TENM2: variants seen among roughly 807,000 people sequenced by gnomAD.
The protein encoded by TENM2 is teneurin-2.
In TENM2, 52 loss-of-function variants were observed where a neutral mutation model predicts 245.2. The observed-to-expected ratio is 0.21, with a 90% CI of 0.17 to 0.27. TENM2 has a LOEUF of 0.27. TENM2 is among the 10% of genes least tolerant of loss of function. TENM2 has a pLI of 1.00. For missense variants in TENM2, 3,046 were observed against 3,666.8 expected (o/e 0.83, Z 4.37); for synonymous variants, 1,363 against 1,438.9 (o/e 0.95, Z 1.19).
At chr5:167,545,924 G>A (rs895061888) in intron 2 of TENM2, among the ~76,000 whole-genome samples, 5 of 152,140 alleles carry the variant, frequency 3.3e-5, no homozygotes, top group Non-Finnish European at 4.4e-5. Flanking sequence ...TGGCAGCATC[G>A]TATAGAATGC....
At chr5:168,155,145 C>T (rs910024016) in intron 12 of TENM2, among the ~76,000 whole-genome samples, 10 of 152,246 alleles carry the variant, frequency 6.6e-5, no homozygotes, top group Admixed American at 6.5e-4. Context: ...CAGAGCACCT[C>T]GAAGCATCAG....
chr5:167,761,168 TCATCCAC>T (rs1219909259), intron 2 of TENM2, among the ~76,000 whole-genome samples: 1 of 152,230 alleles, frequency 6.6e-6, no homozygotes. Flanking sequence ...ATCCTCTGTC[TCATCCAC>T]CATCTTCACT....
intron 5 of TENM2, among the ~76,000 whole-genome samples, chr5:168,016,987 A>G (rs963876884): frequency 2.2e-4 from 34 of 152,222 alleles, no homozygotes; most frequent in Admixed American, 2.2e-3. Context: ...TGAGCCACCC[A>G]GGATGGGACT....
intron 2 of TENM2, among the ~76,000 whole-genome samples, chr5:167,797,279 G>A (rs147321101): frequency 6.6e-6 from 1 of 152,254 alleles, no homozygotes; most frequent in Non-Finnish European, 1.5e-5. Flanking sequence ...GGTCCTTGGA[G>A]TCCTGACCTC....
chr5:167,682,316 C>T (rs1413900353), intron 2 of TENM2, among the ~76,000 whole-genome samples: 1 of 151,924 alleles, frequency 6.6e-6, no homozygotes, highest in Non-Finnish European at 1.5e-5. Flanking sequence ...GCACACATCA[C>T]CAAGCCCAGC....
chr5:168,174,736 A>G (rs1298547589), intron 13 of TENM2, among the ~76,000 whole-genome samples: 1 of 152,196 alleles, frequency 6.6e-6, no homozygotes, highest in Non-Finnish European at 1.5e-5. Flanking sequence ...ACAGCTCTGC[A>G]TCCTGAGGCG....
chr5:167,357,215 T>C (rs1759394174), intron 1 of TENM2, among the ~76,000 whole-genome samples: 1 of 152,174 alleles, frequency 6.6e-6, no homozygotes. Flanking sequence ...AGTTATAACT[T>C]ATACTTCAGG....
At chr5:167,539,076 A>G (rs921289947) in intron 2 of TENM2, among the ~76,000 whole-genome samples, 3 of 152,302 alleles carry the variant, frequency 2.0e-5, no homozygotes, top group African/African-American at 4.8e-5. Flanking sequence ...TACTGTATCA[A>G]TGCTGCAATT....
intron 2 of TENM2, among the ~76,000 whole-genome samples, chr5:167,620,549 C>CTTTTTTTTTTTTTTTTTTTTTTTTTT (rs11455974): frequency 1.4e-5 from 1 of 73,312 alleles, no homozygotes; most frequent in Non-Finnish European, 2.4e-5. Context: ...TGCTTTTTGG[C>CTTTTTTTTTTTTTTTTTTTTTTTTTT]TTTTTTTTTT....
At chr5:167,962,336 C>T (rs1208076258) in intron 4 of TENM2, among the ~76,000 whole-genome samples, 2 of 151,796 alleles carry the variant, frequency 1.3e-5, no homozygotes, top group Admixed American at 1.3e-4. Flanking sequence ...TTCTTTGATC[C>T]ATATGTTCAA....
chr5:166,994,131 A>G, the TENM2 span, among the ~76,000 whole-genome samples: 1 of 152,220 alleles, frequency 6.6e-6, no homozygotes, highest in South Asian at 2.1e-4. Context: ...CTGATATATC[A>G]ACTTTCATCT....
rs1011994981 is a variant in TENM2 at position 167,902,080 on chromosome 5, G to A, written c.712+25885G>A. 3.9e-5 allele frequency among the ~76,000 whole-genome samples: 6 copies of A among 152,180 alleles called. No individual in the cohort carries two copies. In the East Asian group the frequency reaches 1.2e-3, roughly 29 times the overall value. The stretch of plus-strand genomic sequence containing the variant: ...AGCAAATCCCCTTCCATTTCTTGAG[G>A]CCATCTTGGGTTAGGCTAAGTGGAA... On this transcript the variant is annotated intron_variant, in intron 3 of 28. Transcript: ENST00000518659.
chr5:168,083,654 G>A (rs1290601921), intron 7 of TENM2, among the ~76,000 whole-genome samples: 1 of 151,160 alleles, frequency 6.6e-6, no homozygotes, highest in Non-Finnish European at 1.5e-5. Context: ...TTCTAAATTA[G>A]TAAATCAGTA....
intron 7 of TENM2, among the ~76,000 whole-genome samples, chr5:168,064,462 A>G (rs190856033): frequency 5.4e-4 from 82 of 152,280 alleles, no homozygotes; most frequent in African/African-American, 1.8e-3. Flanking sequence ...GGAAAAGCCA[A>G]TGATCATGGC....
At chr5:167,021,246 C>T in the TENM2 span, among the ~76,000 whole-genome samples, 6 of 151,928 alleles carry the variant, frequency 3.9e-5, no homozygotes, top group African/African-American at 1.2e-4. Flanking sequence ...ACAGGTGGGT[C>T]GTTAAGAAGT....
At chr5:167,148,755 A>G in the TENM2 span, among the ~76,000 whole-genome samples, 5 of 152,196 alleles carry the variant, frequency 3.3e-5, no homozygotes, top group African/African-American at 1.2e-4. Flanking sequence ...AAAGGAGTTC[A>G]AAGTTTTTCT....
chr5:167,141,461 A>G, the TENM2 span, among the ~76,000 whole-genome samples: 4 of 152,348 alleles, frequency 2.6e-5, no homozygotes, highest in Admixed American at 2.0e-4. Context: ...TGAGTATATT[A>G]GCAAACATAT....
intron 2 of TENM2, among the ~76,000 whole-genome samples, chr5:167,452,368 T>C (rs1254523141): frequency 6.6e-6 from 1 of 152,158 alleles, no homozygotes; most frequent in Non-Finnish European, 1.5e-5. Context: ...AGGGATATAG[T>C]TGTCAGACTC....
intron 1 of TENM2, among the ~76,000 whole-genome samples, chr5:167,301,186 G>A (rs1014674444): frequency 5.3e-5 from 8 of 152,232 alleles, no homozygotes; most frequent in Non-Finnish European, 1.0e-4. Flanking sequence ...CTGGGAAGGA[G>A]TCAGAAAGCC....
Sources: gnomAD v4.1 joint callset for allele counts (sites outside exome capture counted in the v4.1 genomes callset) on GRCh38, gnomAD v4.1.1 for gene constraint, MANE v1.5 for transcripts, NCBI Gene and HGNC (gene_info 2026-07-23, HGNC 2026-07-21) for gene names.